The following RASSF8 variants were observed in gnomAD, a reference collection of about 807,000 sequenced individuals.
The protein encoded by RASSF8 is ras association domain-containing protein 8.
RASSF8 carries 22 observed loss-of-function variants against 48.5 expected under a neutral mutation model. That is an observed-to-expected ratio of 0.45 (90% CI 0.32 to 0.65). RASSF8 has a LOEUF of 0.65. RASSF8 is among the 30% of genes least tolerant of loss of function. The probability of loss-of-function intolerance (pLI) is 0.03; values close to 1 mark genes in which losing one functional copy is unlikely to be tolerated. For synonymous variants in RASSF8, 127 were observed against 171.5 expected (o/e 0.74, Z 2.03); for missense variants, 418 against 489.2 (o/e 0.85, Z 1.37).
intron 2 of RASSF8, among the ~76,000 whole-genome samples, chr12:26,015,035 G>A (rs6487524): frequency 0.4 from 56,630 of 141,260 alleles, 11,271 homozygotes; most frequent in Non-Finnish European, 0.47. Flanking sequence ...GTGAGACCCC[G>A]TCTGTCCAAA....
At position 26,072,796 on chromosome 12, in the gene RASSF8, AT is replaced by A; in HGVS notation, c.*3980del. On this transcript the variant is annotated 3_prime_UTR_variant, in exon 6 of 6. Transcript: ENST00000689635. The stretch of plus-strand genomic sequence containing the variant: ...CATTTTAAATGTATATTTTCTGATC[AT>A]TATGAGCTGTAAAACAAAGAATCAA... 1 of 920,254 alleles carries A rather than the reference AT, an allele frequency of 1.1e-6. No individual in the cohort carries two copies. The highest frequency in any genetic ancestry group is 1.8e-5 in the African/African-American group (1 of 55,758). 57.0% of individuals were successfully genotyped at this position (920,254 alleles called of 1,614,324 possible).
At chr12:26,019,563 CTGTGTGTGTGTGTGTGTG>C (rs56895234) in intron 2 of RASSF8, among the ~76,000 whole-genome samples, 30 of 148,304 alleles carry the variant, frequency 2.0e-4, no homozygotes, top group East Asian at 7.9e-4. Context: ...CGGGCATACA[CTGTGTGTGTGTGTGTGTG>C]TGTGTGTGTG....
chr12:26,065,450 C>G, intron 4 of RASSF8, 63 bp downstream of exon 4: 1 of 1,488,476 alleles, frequency 6.7e-7, no homozygotes, highest in East Asian at 2.3e-5. Flanking sequence ...TTGGAATCTC[C>G]TTTTCATCAT....
intron 2 of RASSF8, among the ~76,000 whole-genome samples, chr12:26,004,716 A>AGAG (rs35971941): frequency 0.066 from 9,985 of 152,164 alleles, 706 homozygotes; most frequent in East Asian, 0.27. Flanking sequence ...AGGCTGAGGA[A>AGAG]GAGGAGGAGG....
At chr12:26,048,763 GT>G (rs145889885) in intron 2 of RASSF8, among the ~76,000 whole-genome samples, 1 of 150,990 alleles carries the variant, frequency 6.6e-6, no homozygotes. Context: ...GTTTTGTTTT[GT>G]TTTTTTCAGA....
downstream of RASSF8, among the ~76,000 whole-genome samples, chr12:26,074,540 T>C (rs1231693423): frequency 1.3e-5 from 2 of 151,864 alleles, no homozygotes; most frequent in Non-Finnish European, 2.9e-5. Flanking sequence ...AGACGGGCTT[T>C]CACTATGTTG....
chr12:26,026,447 A>AT (rs1047890447), intron 2 of RASSF8, among the ~76,000 whole-genome samples: 2 of 152,034 alleles, frequency 1.3e-5, no homozygotes, highest in African/African-American at 4.8e-5. Flanking sequence ...TTTATTTTTT[A>AT]TTTTTTGAGA....
At chr12:26,050,034 C>T (rs944931778) in intron 2 of RASSF8, among the ~76,000 whole-genome samples, 7 of 152,174 alleles carry the variant, frequency 4.6e-5, no homozygotes, top group Non-Finnish European at 7.4e-5. Flanking sequence ...CTGCCCGCCT[C>T]GGCCTCCCAA....
At chr12:26,079,251 G>A in exon 6 of RASSF8, 1 of 449,274 alleles carries the variant, frequency 2.2e-6, no homozygotes, top group Non-Finnish European at 3.9e-6. Context: ...ACTATATAAG[G>A]AACTCACAGA....
chr12:26,010,298 G>A (rs952586449), intron 2 of RASSF8, among the ~76,000 whole-genome samples: 3 of 152,210 alleles, frequency 2.0e-5, no homozygotes, highest in South Asian at 2.1e-4. Flanking sequence ...CTTTTTCTCC[G>A]TAGGCAATGA....
Position 26,058,538 on chromosome 12 carries a change from G to GCGCACA in RASSF8, c.103+3093_103+3094insGCACAC, listed in dbSNP as rs377669426. Among the ~76,000 whole-genome samples the GCGCACA allele has an allele frequency of 9.9e-3, 1,470 of 149,086 alleles. 26 individuals are homozygous for GCGCACA. The highest frequency in any genetic ancestry group is 0.039 in the Middle Eastern group (11 of 284). ...ACTACACACATGCGCACGCGCGCGCGCACACACACACACACACACACACAG... is the reference window on the plus strand; with the variant it reads ...ACTACACACATGCGCACGCGCGCGCGCGCACACACACACACACACACACACACACAG... On this transcript the variant is annotated intron_variant, in intron 3 of 5. Transcript: ENST00000689635.
chr12:26,043,577 T>C (rs927954872), intron 2 of RASSF8, among the ~76,000 whole-genome samples: 2 of 152,048 alleles, frequency 1.3e-5, no homozygotes, highest in African/African-American at 4.8e-5. Flanking sequence ...GGCAGGGAGA[T>C]CAGTTAGCAG....
chr12:26,001,479 A>G (rs577140185), intron 2 of RASSF8, among the ~76,000 whole-genome samples: 6 of 152,300 alleles, frequency 3.9e-5, no homozygotes, highest in African/African-American at 1.2e-4. Context: ...CACTTTGCTT[A>G]AAATACAAAT....
At chr12:26,002,809 C>T (rs569393973) in intron 2 of RASSF8, among the ~76,000 whole-genome samples, 11 of 152,192 alleles carry the variant, frequency 7.2e-5, no homozygotes, top group East Asian at 1.9e-4. Flanking sequence ...TGTGTTGAAT[C>T]GGAGTGGTGA....
At chr12:25,963,016 GA>G (rs144325302) in intron 1 of RASSF8, among the ~76,000 whole-genome samples, 4 of 151,738 alleles carry the variant, frequency 2.6e-5, no homozygotes, top group African/African-American at 4.8e-5. Flanking sequence ...TTACTGAAAG[GA>G]AAAAAAATCT....
downstream of RASSF8, among the ~76,000 whole-genome samples, chr12:26,077,176 G>A (rs1183548088): frequency 3.3e-5 from 5 of 151,972 alleles, no homozygotes; most frequent in Non-Finnish European, 5.9e-5. Context: ...TTGTCAGATG[G>A]GTAGATTGCA....
At chr12:25,999,381 A>AT (rs769550576) in intron 2 of RASSF8, among the ~76,000 whole-genome samples, 47 of 152,342 alleles carry the variant, frequency 3.1e-4, no homozygotes, top group Non-Finnish European at 5.3e-4. Context: ...CTCAGCCAAA[A>AT]TACTAAAACA....
At chr12:26,037,220 A>G (rs73079063) in intron 2 of RASSF8, among the ~76,000 whole-genome samples, 1,830 of 152,290 alleles carry the variant, frequency 0.012, 19 homozygotes, top group Non-Finnish European at 0.018. Flanking sequence ...GAATTTGAAA[A>G]CAATAAAATT....
intron 2 of RASSF8, among the ~76,000 whole-genome samples, chr12:26,021,043 T>G (rs1942775924): frequency 1.3e-5 from 2 of 152,220 alleles, no homozygotes; most frequent in African/African-American, 4.8e-5. Flanking sequence ...GAGAATTCTT[T>G]ACTCCAATTA....
Sources: allele counts gnomAD v4.1 joint callset (sites outside exome capture counted in the v4.1 genomes callset), GRCh38; gene constraint gnomAD v4.1.1; transcripts MANE v1.5; gene names NCBI Gene and HGNC (gene_info 2026-07-23, HGNC 2026-07-21).